Variants in RALGPS1 observed in about 807,000 individuals in gnomAD.
RALGPS1 encodes Ral GEF with PH domain and SH3 binding motif 1, also known as ras-specific guanine nucleotide-releasing factor RalGPS1.
Under a neutral mutation model 78.8 loss-of-function variants are expected in RALGPS1, and 19 were observed. The ratio of observed to expected loss-of-function variants is 0.24; its 90% CI spans 0.17 to 0.35. The LOEUF is 0.35. Among genes scored for constraint, RALGPS1 ranks in the 10% least tolerant of loss-of-function variants. RALGPS1 has a pLI of 1.00. For missense variants in RALGPS1, 454 were observed against 688.3 expected (o/e 0.66, Z 3.81); for synonymous variants, 228 against 256.3 (o/e 0.89, Z 1.06).
chr9:127,096,722 C>T (rs1010767677), intron 8 of RALGPS1, among the ~76,000 whole-genome samples: 7 of 152,218 alleles, frequency 4.6e-5, no homozygotes, highest in Admixed American at 3.9e-4. Flanking sequence ...CAGAAAAATG[C>T]ACAGACTCAC....
intron 8 of RALGPS1, among the ~76,000 whole-genome samples, chr9:127,083,430 C>A (rs2051377386): frequency 6.6e-6 from 1 of 152,200 alleles, no homozygotes; most frequent in Non-Finnish European, 1.5e-5. Flanking sequence ...GAATAGTCCA[C>A]AGATGGATGC....
intron 5 of RALGPS1, 38 bp from the exon 6 acceptor site, chr9:127,050,005 G>T: frequency 6.9e-7 from 1 of 1,459,336 alleles, no homozygotes; most frequent in South Asian, 1.1e-5. Flanking sequence ...AACTTTTCTG[G>T]TGTGTATGTG....
chr9:127,059,767 C>A (rs1387212990), intron 7 of RALGPS1, among the ~76,000 whole-genome samples: 1 of 152,044 alleles, frequency 6.6e-6, no homozygotes, highest in Non-Finnish European at 1.5e-5. Context: ...TTTGACAGCT[C>A]ACACTTGGCA....
intron 11 of RALGPS1, chr9:127,184,235 G>C (rs189386131): frequency 3.8e-4 from 209 of 552,716 alleles, no homozygotes; most frequent in Middle Eastern, 3.1e-3. Flanking sequence ...AGGCGAGATC[G>C]CTTGATCCCA....
intron 1 of RALGPS1, among the ~76,000 whole-genome samples, chr9:126,960,027 A>G (rs2038725082): frequency 6.6e-6 from 1 of 152,156 alleles, no homozygotes; most frequent in Non-Finnish European, 1.5e-5. Context: ...ACTGAAGTGG[A>G]TATATTGTAT....
At chr9:127,120,815 G>A (rs1242650971) in intron 8 of RALGPS1, among the ~76,000 whole-genome samples, 2 of 150,022 alleles carry the variant, frequency 1.3e-5, no homozygotes, top group African/African-American at 2.5e-5. Flanking sequence ...GTGACAGAGC[G>A]AGACTCCATC....
chr9:127,006,981 TC>T (rs2043896037), intron 4 of RALGPS1, among the ~76,000 whole-genome samples: 1 of 152,090 alleles, frequency 6.6e-6, no homozygotes. Context: ...GAAAATAATC[TC>T]TGAAAAGATT....
intron 4 of RALGPS1, among the ~76,000 whole-genome samples, chr9:126,988,830 C>T (rs1235199951): frequency 6.6e-6 from 1 of 152,112 alleles, no homozygotes; most frequent in Non-Finnish European, 1.5e-5. Flanking sequence ...ACTTAGGGAG[C>T]AGCAGGAAGA....
rs1288031931 is a variant in RALGPS1, at chr9:127,199,635, G to A, written c.1247+569G>A. On this transcript the variant is annotated intron_variant, in intron 14 of 18. Coordinates refer to ENST00000259351, the MANE Select transcript of RALGPS1 (RefSeq NM_014636.3). ...GCCCAGGGTTTGGCTCCCTGGGAGA[G>A]CCTGTCTGCCAGGGCCCCAGGCCTC... is the stretch of plus-strand genomic sequence containing the variant. Among the ~76,000 whole-genome samples, 3 of 129,080 alleles carry A rather than the reference G, an allele frequency of 2.3e-5. No individual in the cohort carries two copies. In the East Asian group the frequency reaches 7.0e-4, roughly 30 times the overall value. The allele number at this position is 129,080 out of a possible 152,430, so 84.7% of individuals were successfully genotyped here.
intron 1 of RALGPS1, among the ~76,000 whole-genome samples, chr9:126,953,985 C>A (rs562668119): frequency 5.3e-4 from 80 of 152,306 alleles, no homozygotes; most frequent in Middle Eastern, 3.4e-3. Flanking sequence ...CCACCTGTCC[C>A]TTTGTTCCCC....
intron 4 of RALGPS1, among the ~76,000 whole-genome samples, chr9:127,029,845 G>A (rs1325884501): frequency 6.6e-6 from 1 of 152,210 alleles, no homozygotes; most frequent in African/African-American, 2.4e-5. Context: ...CTGACTCCCA[G>A]ACCCCTAAGC....
At chr9:127,030,738 C>T (rs1332106416) in intron 4 of RALGPS1, among the ~76,000 whole-genome samples, 1 of 151,698 alleles carries the variant, frequency 6.6e-6, no homozygotes, top group East Asian at 1.9e-4. Flanking sequence ...ACAGGGATGA[C>T]AGAGGGCATC....
intron 5 of RALGPS1, among the ~76,000 whole-genome samples, chr9:127,038,954 T>A (rs1343926406): frequency 1.3e-5 from 2 of 152,138 alleles, no homozygotes; most frequent in East Asian, 3.8e-4. Context: ...ATTTGGGCAG[T>A]CCCATCCTTG....
chr9:126,961,306 G>A (rs1047092473), intron 1 of RALGPS1, among the ~76,000 whole-genome samples: 1 of 152,196 alleles, frequency 6.6e-6, no homozygotes, highest in African/African-American at 2.4e-5. Context: ...CTGCCTCCCT[G>A]TGCCTCAGTT....
intron 8 of RALGPS1, among the ~76,000 whole-genome samples, chr9:127,149,129 T>C (rs535301572): frequency 6.6e-6 from 1 of 152,246 alleles, no homozygotes; most frequent in East Asian, 1.9e-4. Context: ...AATGGCAGCA[T>C]CCCCCTGACC....
chr9:127,024,758 T>C (rs1174745552), intron 4 of RALGPS1, among the ~76,000 whole-genome samples: 1 of 152,142 alleles, frequency 6.6e-6, no homozygotes, highest in East Asian at 1.9e-4. Context: ...CATGTTATAT[T>C]TTTAATTGTT....
At chr9:127,168,582 TC>T in intron 9 of RALGPS1, 96 bp from the exon 10 acceptor site, 1 of 867,154 alleles carries the variant, frequency 1.2e-6, no homozygotes, top group Non-Finnish European at 1.9e-6. Context: ...AGTCTCAGTA[TC>T]CTGGGAGCAT....
chr9:126,939,019 ATC>A (rs763793313), intron 1 of RALGPS1, among the ~76,000 whole-genome samples: 12 of 152,296 alleles, frequency 7.9e-5, no homozygotes, highest in South Asian at 2.1e-4. Flanking sequence ...GTATCCACAA[ATC>A]TCTCCTTCCT....
chr9:127,092,112 T>A (rs2052558841), intron 8 of RALGPS1, among the ~76,000 whole-genome samples: 1 of 152,180 alleles, frequency 6.6e-6, no homozygotes. Context: ...ACTCACACAT[T>A]ATTCAAAAAT....
Sources: allele counts gnomAD v4.1 joint callset (sites outside exome capture counted in the v4.1 genomes callset), GRCh38; gene constraint gnomAD v4.1.1; transcripts MANE v1.5; gene names NCBI Gene and HGNC (gene_info 2026-07-23, HGNC 2026-07-21).